The following RIC1 variants were observed in gnomAD, a reference collection of about 807,000 sequenced individuals.
RIC1 encodes guanine nucleotide exchange factor subunit RIC1.
Under a neutral mutation model 169.0 loss-of-function variants are expected in RIC1, and 88 were observed. The ratio of observed to expected loss-of-function variants is 0.52; its 90% CI spans 0.44 to 0.62. RIC1 has a LOEUF of 0.62. RIC1 is among the 20% of genes least tolerant of loss of function. RIC1 has a pLI of 0.00. For synonymous variants in RIC1, 790 were observed against 601.5 expected, an observed-to-expected ratio of 1.31 and a Z score of -4.59; for missense variants, 1,877 against 1,725.5, an observed-to-expected ratio of 1.09 and a Z score of -1.56.
At chr9:5,734,611 C>T (rs992639453) in intron 7 of RIC1, among the ~76,000 whole-genome samples, 4 of 151,948 alleles carry the variant, frequency 2.6e-5, no homozygotes, top group Non-Finnish European at 4.4e-5. Flanking sequence ...ATAGTTTTAA[C>T]GTTGTAGTAG....
At chr9:5,773,809 C>G (rs2131160463) in intron 25 of RIC1, 149 bp from the exon 26 acceptor site, 1 of 697,798 alleles carries the variant, frequency 1.4e-6, no homozygotes, top group East Asian at 2.7e-5. Context: ...GCCAAGAAGC[C>G]TTTCCTCCCT....
At position 5,774,301 on chromosome 9, in the gene RIC1, G is replaced by T; in HGVS notation, c.*55G>T. The T allele has an allele frequency of 6.9e-7, 1 of 1,444,112 alleles. No homozygotes were observed. Among genetic ancestry groups the T allele is most frequent in the Non-Finnish European group, 9.4e-7 (1 of 1,063,844 alleles). 89.5% of individuals were successfully genotyped at this position (1,444,112 alleles called of 1,614,324 possible). A position where few individuals can be genotyped will look rare whatever the true frequency, so the allele number is the denominator to read the frequency against. Reference sequence around the variant, plus strand: ...TTAATTAGCAGCAGCGTGCAGCTCAGTACGTTGTAACATAGTTGGATGATT... The same window carrying T: ...TTAATTAGCAGCAGCGTGCAGCTCATTACGTTGTAACATAGTTGGATGATT... On this transcript the variant is annotated 3_prime_UTR_variant, in exon 26 of 26. Coordinates refer to ENST00000414202, the MANE Select transcript of RIC1 (RefSeq NM_020829.4).
rs1294649498 is a variant in RIC1, at chr9:5,750,761, C to CT, written c.1453-2438dup. On this transcript the variant is annotated intron_variant, in intron 12 of 25. Coordinates refer to ENST00000414202, the MANE Select transcript of RIC1 (RefSeq NM_020829.4). ...AGTGCCCTGAGTGTGCTTTCATGAC[C>CT]TGTTTTTTTTGTCACTGATCAGCTG... Among the ~76,000 whole-genome samples the CT allele has an allele frequency of 6.7e-5, 9 of 133,496 alleles. No individual in the cohort carries two copies. The East Asian group carries it at 2.7e-3, about 40-fold the overall frequency. The allele number at this position is 133,496 out of a possible 152,430, so 87.6% of individuals were successfully genotyped here. A position where few individuals can be genotyped will look rare whatever the true frequency, so the allele number is the denominator to read the frequency against.
chr9:5,724,449 G>A (rs903973904), intron 6 of RIC1, among the ~76,000 whole-genome samples: 4 of 152,214 alleles, frequency 2.6e-5, no homozygotes, highest in African/African-American at 9.7e-5. Flanking sequence ...TCAGCTTAAG[G>A]AGATTTTGCG....
At chr9:5,688,922 C>CT (rs1821421279) in intron 2 of RIC1, among the ~76,000 whole-genome samples, 2 of 151,496 alleles carry the variant, frequency 1.3e-5, no homozygotes, top group African/African-American at 4.9e-5. Flanking sequence ...CTGGAAACAG[C>CT]TAAATATAAT....
intron 6 of RIC1, among the ~76,000 whole-genome samples, chr9:5,730,251 G>A (rs1824282709): frequency 6.6e-6 from 1 of 152,130 alleles, no homozygotes; most frequent in South Asian, 2.1e-4. Context: ...AGGACTAAAA[G>A]AGCTGGAGAA....
chr9:5,666,065 C>G (rs934864575), intron 2 of RIC1, among the ~76,000 whole-genome samples: 1 of 152,146 alleles, frequency 6.6e-6, no homozygotes, highest in Non-Finnish European at 1.5e-5. Flanking sequence ...GCCTACCCCA[C>G]CACTCAGGTA....
chr9:5,653,668 G>C (rs1387707043), intron 1 of RIC1, among the ~76,000 whole-genome samples: 2 of 151,852 alleles, frequency 1.3e-5, no homozygotes, highest in Non-Finnish European at 2.9e-5. Context: ...CGCAGTCTTG[G>C]CTCACTGCAG....
At chr9:5,719,168 A>G (rs1028679983) in intron 4 of RIC1, 2 of 152,156 alleles carry the variant, frequency 1.3e-5, no homozygotes, top group Non-Finnish European at 2.9e-5. Context: ...ATCAGTTTCT[A>G]CTGGTTTCCC....
downstream of RIC1, among the ~76,000 whole-genome samples, chr9:5,778,417 C>CACT (rs575454670): frequency 6.6e-6 from 1 of 152,264 alleles, no homozygotes; most frequent in South Asian, 2.1e-4. Context: ...TGGCTAGAGC[C>CACT]ACTAGTACAA....
intron 3 of RIC1, among the ~76,000 whole-genome samples, chr9:5,690,721 C>T (rs752224733): frequency 6.6e-5 from 10 of 150,796 alleles, no homozygotes; most frequent in Non-Finnish European, 1.5e-4. Context: ...TGAATATTAA[C>T]AGAAAAAAAG....
At chr9:5,671,939 G>T (rs950784077) in intron 2 of RIC1, among the ~76,000 whole-genome samples, 3 of 152,186 alleles carry the variant, frequency 2.0e-5, no homozygotes, top group Non-Finnish European at 2.9e-5. Flanking sequence ...TCAGAAAAGG[G>T]AGGACTGTGT....
intron 22 of RIC1, 27 bp downstream of exon 22, chr9:5,769,283 C>T: frequency 1.9e-6 from 3 of 1,613,808 alleles, no homozygotes; most frequent in Non-Finnish European, 2.5e-6. Flanking sequence ...GTCACTTGTA[C>T]AAGGAGAATT....
At chr9:5,743,372 G>C (rs1352873437) in intron 9 of RIC1, among the ~76,000 whole-genome samples, 1 of 152,094 alleles carries the variant, frequency 6.6e-6, no homozygotes, top group Admixed American at 6.6e-5. Context: ...GGTTAATGTA[G>C]GTTAGCCCAG....
At chr9:5,697,768 C>A (rs563262349) in intron 3 of RIC1, among the ~76,000 whole-genome samples, 3 of 152,296 alleles carry the variant, frequency 2.0e-5, no homozygotes, top group East Asian at 3.9e-4. Flanking sequence ...ATTTCAGAAT[C>A]ATCTCAAATG....
intron 1 of RIC1, among the ~76,000 whole-genome samples, chr9:5,645,848 G>A (rs1246324434): frequency 6.6e-6 from 1 of 152,024 alleles, no homozygotes; most frequent in African/African-American, 2.4e-5. Flanking sequence ...TGTGAATAAT[G>A]CTGCTGTGAA....
intron 6 of RIC1, among the ~76,000 whole-genome samples, chr9:5,729,267 T>C (rs984845802): frequency 2.6e-5 from 4 of 152,256 alleles, no homozygotes; most frequent in Non-Finnish European, 1.5e-5. Flanking sequence ...AAGAAAAATA[T>C]CCAGTTTTCC....
chr9:5,727,855 G>C (rs965988206), intron 6 of RIC1, among the ~76,000 whole-genome samples: 1 of 152,258 alleles, frequency 6.6e-6, no homozygotes, highest in African/African-American at 2.4e-5. Flanking sequence ...CTGCAGAACA[G>C]CACATATTGC....
rs143275178 is a variant in RIC1, at chr9:5,650,822, AT to A, written c.145-5757del. 5.5e-3 allele frequency among the ~76,000 whole-genome samples: 838 copies of A among 152,042 alleles called. 10 individuals carry two copies. The highest frequency in any genetic ancestry group is 0.019 in the African/African-American group (786 of 41,458). On this transcript the variant is annotated intron_variant, in intron 1 of 25. Transcript: ENST00000414202. ...ACTTGCCTGTTCTCCACAGTGTAGG[AT>A]TTTATATATGCTTTAATACCAGGGA...
Sources: allele counts gnomAD v4.1 joint callset (sites outside exome capture counted in the v4.1 genomes callset), GRCh38; gene constraint gnomAD v4.1.1; transcripts MANE v1.5; gene names NCBI Gene and HGNC (gene_info 2026-07-23, HGNC 2026-07-21).